The following RAB22A variants were observed in gnomAD, a reference collection of about 807,000 sequenced individuals.
The protein encoded by RAB22A is RAB22A, member RAS oncogene family.
A neutral mutation model predicts 30.2 loss-of-function variants in RAB22A; 13 were observed. That is an observed-to-expected ratio of 0.43 (90% CI 0.28 to 0.68). The LOEUF is 0.68. Among genes scored for constraint, RAB22A ranks in the 30% least tolerant of loss-of-function variants. The probability of loss-of-function intolerance (pLI) is 0.18; values close to 1 mark genes in which losing one functional copy is unlikely to be tolerated. For missense variants in RAB22A, 177 were observed against 246.8 expected (o/e 0.72, Z 1.89); for synonymous variants, 89 against 87.2 (o/e 1.02, Z -0.11).
At chr20:58,318,383 G>C (rs1909696792) in intron 2 of RAB22A, among the ~76,000 whole-genome samples, 1 of 152,036 alleles carries the variant, frequency 6.6e-6, no homozygotes, top group Non-Finnish European at 1.5e-5. Context: ...TGCATGCACA[G>C]GTTGAGTATC....
intron 6 of RAB22A, among the ~76,000 whole-genome samples, chr20:58,358,935 A>G (rs1418903517): frequency 6.6e-6 from 1 of 151,058 alleles, no homozygotes; most frequent in Non-Finnish European, 1.5e-5. Context: ...TTCTCCATGT[A>G]CTATGATGCC....
At chr20:58,311,879 G>C (rs1023882039) in intron 2 of RAB22A, among the ~76,000 whole-genome samples, 6 of 152,166 alleles carry the variant, frequency 3.9e-5, no homozygotes, top group Admixed American at 1.3e-4. Flanking sequence ...GACTAATAGA[G>C]AAATATTTTA....
intron 2 of RAB22A, among the ~76,000 whole-genome samples, chr20:58,343,497 T>G (rs778164643): frequency 6.6e-6 from 1 of 152,152 alleles, no homozygotes; most frequent in Non-Finnish European, 1.5e-5. Context: ...CTTAGAACCC[T>G]TCCTTCTTGG....
At chr20:58,314,053 CT>C (rs3069356) in intron 2 of RAB22A, among the ~76,000 whole-genome samples, 75 of 145,772 alleles carry the variant, frequency 5.1e-4, no homozygotes, top group Non-Finnish European at 4.7e-4. Flanking sequence ...TATTCTTTTT[CT>C]TTTTTTTTTT....
At position 58,333,879 on chromosome 20, in the gene RAB22A, A is replaced by T. The variant is rs570111345; in HGVS notation, c.117-9839A>T. Among the ~76,000 whole-genome samples the T allele has an allele frequency of 4.6e-5, 7 of 152,274 alleles. No individual in the cohort carries two copies. The South Asian group carries it at 1.5e-3, about 32-fold the overall frequency. On this transcript the variant is annotated intron_variant, in intron 2 of 6. Transcript: ENST00000244040. ...CAAGACCAGCTTGGGTGGCATAGCG[A>T]GACCCTGTCTCTACAAGAGAATGAA...
chr20:58,312,949 T>A (rs1461145392), intron 2 of RAB22A, among the ~76,000 whole-genome samples: 1 of 152,176 alleles, frequency 6.6e-6, no homozygotes, highest in African/African-American at 2.4e-5. Flanking sequence ...TCTCAGGGCC[T>A]GCCTGTCCCT....
intron 2 of RAB22A, among the ~76,000 whole-genome samples, chr20:58,311,934 A>T (rs1243826819): frequency 6.6e-6 from 1 of 152,188 alleles, no homozygotes; most frequent in African/African-American, 2.4e-5. Flanking sequence ...CTGAGAAATT[A>T]TGAGCTCCTG....
intron 2 of RAB22A, among the ~76,000 whole-genome samples, chr20:58,313,535 G>A (rs1224426530): frequency 6.6e-6 from 1 of 151,986 alleles, no homozygotes; most frequent in African/African-American, 2.4e-5. Context: ...CTGCTCAGAT[G>A]GTGGAACTCC....
At chr20:58,310,937 C>G in intron 1 of RAB22A, 106 bp from the exon 2 acceptor site, 1 of 894,678 alleles carries the variant, frequency 1.1e-6, no homozygotes, top group Non-Finnish European at 1.9e-6. Flanking sequence ...AAAATTTACA[C>G]GTCTAGGGTG....
chr20:58,320,356 C>G (rs1054862201), intron 2 of RAB22A, among the ~76,000 whole-genome samples: 29 of 152,036 alleles, frequency 1.9e-4, no homozygotes, highest in African/African-American at 7.0e-4. Context: ...TTCATCGTAT[C>G]TCTGTTTTTT....
At chr20:58,353,588 TTAA>T (rs1337536227) in intron 5 of RAB22A, 50 bp downstream of exon 5, 1 of 1,386,578 alleles carries the variant, frequency 7.2e-7, no homozygotes, top group East Asian at 2.3e-5. Context: ...GTTCCTTTTC[TTAA>T]TAAGCAATAT....
At chr20:58,337,546 T>A (rs1986779058) in intron 2 of RAB22A, among the ~76,000 whole-genome samples, 1 of 152,178 alleles carries the variant, frequency 6.6e-6, no homozygotes. Context: ...TTCACTTACC[T>A]CATAGGATAA....
At chr20:58,313,929 A>G (rs1986282275) in intron 2 of RAB22A, among the ~76,000 whole-genome samples, 1 of 152,198 alleles carries the variant, frequency 6.6e-6, no homozygotes, top group South Asian at 2.1e-4. Flanking sequence ...AATATTTGCT[A>G]TCTGGTACTT....
chr20:58,339,948 T>C (rs1986826808), intron 2 of RAB22A, among the ~76,000 whole-genome samples: 1 of 151,944 alleles, frequency 6.6e-6, no homozygotes, highest in South Asian at 2.1e-4. Context: ...ACAGGCAACC[T>C]CCCCCTCCCA....
chr20:58,311,193 G>A (rs1173829468), intron 2 of RAB22A, 71 bp downstream of exon 2: 1 of 1,359,126 alleles, frequency 7.4e-7, no homozygotes, highest in Non-Finnish European at 1.1e-6. Flanking sequence ...GTGTGTTACA[G>A]GTGTAGGCCC....
chr20:58,355,716 C>T (rs1000184862), intron 6 of RAB22A, among the ~76,000 whole-genome samples: 6 of 152,060 alleles, frequency 3.9e-5, no homozygotes, highest in African/African-American at 1.4e-4. Context: ...CCCAGCCACT[C>T]GGGAAGCTGA....
chr20:58,354,611 A>G (rs1442191393), intron 6 of RAB22A, among the ~76,000 whole-genome samples: 2 of 152,242 alleles, frequency 1.3e-5, no homozygotes, highest in African/African-American at 4.8e-5. Context: ...AAATGCAGGT[A>G]TACTTGCACG....
chr20:58,359,843 G>A lies in RAB22A; in HGVS notation c.*140G>A. 1 of 618,514 alleles carries A rather than the reference G, an allele frequency of 1.6e-6. No homozygotes were observed. The highest frequency in any genetic ancestry group is 3.2e-5 in the Admixed American group (1 of 31,108). The allele number at this position is 618,514 out of a possible 1,614,324, so 38.3% of individuals were successfully genotyped here. On this transcript the variant is annotated 3_prime_UTR_variant, in exon 7 of 7. Transcript: ENST00000244040. ...AAAAAGGATTCACAGAAATGGACCA[G>A]TTCTGTTCTCCAAAGACTGCAGCAA... is the stretch of plus-strand genomic sequence containing the variant.
At chr20:58,353,601 T>G (rs932110513) in intron 5 of RAB22A, 63 bp downstream of exon 5, 48 of 1,322,398 alleles carry the variant, frequency 3.6e-5, no homozygotes, top group Non-Finnish European at 4.6e-5. Context: ...ATAAGCAATA[T>G]CCAGTTTAAG....
Sources: gnomAD v4.1 joint callset for allele counts (sites outside exome capture counted in the v4.1 genomes callset) on GRCh38, gnomAD v4.1.1 for gene constraint, MANE v1.5 for transcripts, NCBI Gene and HGNC (gene_info 2026-07-23, HGNC 2026-07-21) for gene names.